The following NBN variants were observed in gnomAD, a reference collection of about 807,000 sequenced individuals.
NBN encodes nibrin, also known as Nijmegen breakage syndrome 1 (nibrin).
Under a neutral mutation model 90.8 loss-of-function variants are expected in NBN, and 88 were observed. The ratio of observed to expected loss-of-function variants is 0.97; its 90% CI spans 0.82 to 1.16. The LOEUF (loss-of-function observed/expected upper bound fraction) is 1.16. Ranked by LOEUF, NBN falls within the 50% of genes most tolerant of loss-of-function variation. The probability of loss-of-function intolerance (pLI) is 0.00; values close to 1 mark genes in which losing one functional copy is unlikely to be tolerated. For missense variants in NBN, 894 were observed against 869.6 expected, an observed-to-expected ratio of 1.03 and a Z score of -0.35; for synonymous variants, 328 against 295.1, an observed-to-expected ratio of 1.11 and a Z score of -1.14.
rs587781530 is a variant in NBN at position 89,982,774 on chromosome 8, G to A, written c.119C>T (p.Ser40Leu). ...TAACACAGCATGATTTCGGCTGATC[G>A]ACTGATCATTTTCAATCAGAATGGC... ...NCAILIENDQ[S>L]ISRNHAVLTA... Residue 40 changes from serine to leucine, a missense_variant, in exon 2 of 16, where the codon TCG becomes TTG. Coordinates refer to ENST00000265433, the MANE Select transcript of NBN (RefSeq NM_002485.5). The A allele has an allele frequency of 1.3e-5, 21 of 1,613,728 alleles. No individual in the cohort carries two copies. The highest frequency in any genetic ancestry group is 1.8e-5 in the Non-Finnish European group (21 of 1,179,860).
In NBN at chr8:89,947,793, T is replaced by C. The variant is rs1421647564; in HGVS notation, c.1914+31A>G. On this transcript the variant is annotated intron_variant, in intron 12 of 15. Transcript: ENST00000265433. Reference sequence around the variant, plus strand: ...GAGATGACAGTCCCCGTAAGCCAAATCTGTATAAAAATTAATAAAACGTTT... The same window carrying C: ...GAGATGACAGTCCCCGTAAGCCAAACCTGTATAAAAATTAATAAAACGTTT... 3 of 1,348,402 alleles carry C rather than the reference T, an allele frequency of 2.2e-6. No individual in the cohort carries two copies. In the East Asian group the frequency reaches 7.2e-5, roughly 32 times the overall value. 83.5% of individuals were successfully genotyped at this position (1,348,402 alleles called of 1,614,324 possible). A position where few individuals can be genotyped will look rare whatever the true frequency, so the allele number is the denominator to read the frequency against.
Position 89,953,240 on chromosome 8 carries a change from T to C in NBN, c.1845+4A>G. 1.9e-6 allele frequency: 3 copies of C among 1,581,440 alleles called. No individual in the cohort carries two copies. The highest frequency in any genetic ancestry group is 2.6e-6 in the Non-Finnish European group (3 of 1,151,340). ...CTATACCTCTCATTTAAAATGTTAC[T>C]TACAGATATTTTGCTACTTTCTGGT... On this transcript the variant is annotated splice_donor_region_variant and intron_variant, in intron 11 of 15. Transcript: ENST00000265433.
At chr8:89,940,181 G>A (rs892775937) in intron 14 of NBN, among the ~76,000 whole-genome samples, 1 of 152,138 alleles carries the variant, frequency 6.6e-6, no homozygotes, top group Non-Finnish European at 1.5e-5. Flanking sequence ...AACCTCCCAG[G>A]CTCAAGCAAT....
At chr8:89,969,754 C>G (rs917807827) in intron 7 of NBN, among the ~76,000 whole-genome samples, 2 of 151,990 alleles carry the variant, frequency 1.3e-5, no homozygotes, top group African/African-American at 4.8e-5. Flanking sequence ...GAGTTTGAGA[C>G]CAGGCTGGCC....
intron 10 of NBN, 86 bp downstream of exon 10, chr8:89,955,197 C>G: frequency 7.5e-7 from 1 of 1,333,486 alleles, no homozygotes; most frequent in Non-Finnish European, 1.1e-6. Flanking sequence ...TTAATCAGAA[C>G]AGACTAAAGA....
chr8:89,958,820 T>A lies in NBN; in HGVS notation c.1029A>T (p.Ser343=). The change falls in exon 9 of 16, where the codon TCA becomes TCT. Residue 343 remains serine (S), a synonymous_variant. Coordinates refer to ENST00000265433, the MANE Select transcript of NBN (RefSeq NM_002485.5). The stretch of plus-strand genomic sequence containing the variant: ...GTTTTTCATCAACTGACACGCCTTG[T>A]GAAAGGCTTGGTCCTGGAGTTGTTG... ...LKTTTPGPSL[S]QGVSVDEKLM... is the part of the protein sequence containing the mutation. The A allele has an allele frequency of 6.2e-7, 1 of 1,613,872 alleles. No individual in the cohort carries two copies. The highest frequency in any genetic ancestry group is 8.5e-7 in the Non-Finnish European group (1 of 1,179,724).
At chr8:89,964,796 G>C (rs1417958079) in intron 7 of NBN, among the ~76,000 whole-genome samples, 3 of 152,100 alleles carry the variant, frequency 2.0e-5, no homozygotes, top group South Asian at 2.1e-4. Context: ...AAAGAATACA[G>C]TACTACCCAA....
intron 9 of NBN, 66 bp from the exon 10 acceptor site, chr8:89,955,621 A>C: frequency 6.6e-7 from 1 of 1,510,120 alleles, no homozygotes; most frequent in Non-Finnish European, 9.0e-7. Flanking sequence ...AGAGAAACAA[A>C]GATCGTTAAA....
In NBN at chr8:89,946,435, G is replaced by T. The variant is rs151054451; in HGVS notation, c.1915-140C>A. On this transcript the variant is annotated intron_variant, in intron 12 of 15. Coordinates refer to ENST00000265433, the MANE Select transcript of NBN (RefSeq NM_002485.5). ...GTTTTATTTCTTGTACCTGAACTTT[G>T]TATTTGGAATCAAATTGTAGCTAAT... 2.1e-4 allele frequency: 155 copies of T among 738,664 alleles called. No individual in the cohort carries two copies. The African/African-American group carries it at 2.1e-3, about 10-fold the overall frequency. 45.8% of individuals were successfully genotyped at this position (738,664 alleles called of 1,614,324 possible). A position where few individuals can be genotyped will look rare whatever the true frequency, so the allele number is the denominator to read the frequency against.
chr8:89,983,604 T>G (rs1416335518), intron 1 of NBN, among the ~76,000 whole-genome samples: 2 of 152,208 alleles, frequency 1.3e-5, no homozygotes, highest in African/African-American at 4.8e-5. Context: ...GAAAATTTGT[T>G]TTTATCTTAA....
Position 89,943,352 on chromosome 8 carries a change from T to C in NBN, c.2085A>G (p.Gly695=), listed in dbSNP as rs2130756163. 6.2e-7 allele frequency: 1 copy of C among 1,604,868 alleles called. No homozygotes were observed. ...FKKFKKVTYP[G]AGKLPHIIGG... is the part of the protein sequence containing the mutation. ...CAATGATGTGTGGAAGTTTTCCTGC[T>C]CCAGGATATGTGACCTATTGAATAA... Residue 695 remains glycine (G), a synonymous_variant, in exon 14 of 16, where the codon GGA becomes GGG. Transcript: ENST00000265433.
At chr8:89,954,471 A>G (rs544028271) in intron 10 of NBN, among the ~76,000 whole-genome samples, 5 of 152,216 alleles carry the variant, frequency 3.3e-5, no homozygotes, top group South Asian at 4.1e-4. Context: ...ATAACAATCA[A>G]TAACACTGAT....
intron 5 of NBN, among the ~76,000 whole-genome samples, chr8:89,977,322 T>C (rs972700621): frequency 1.3e-5 from 2 of 152,108 alleles, no homozygotes; most frequent in Admixed American, 1.3e-4. Context: ...CATACGGTGT[T>C]TGGTTTTCTG....
rs1309889719 is a variant in NBN, at chr8:89,978,215, T to C, written c.584+5A>G. ...ATCTTGTTATATTTAAAATACATAA[T>C]ATACCTTTCAATTTGTGGAGGCTGC... On this transcript the variant is annotated splice_donor_5th_base_variant and intron_variant, in intron 5 of 15. Coordinates refer to ENST00000265433, the MANE Select transcript of NBN (RefSeq NM_002485.5). 4 of 1,597,438 alleles carry C rather than the reference T, an allele frequency of 2.5e-6. No individual in the cohort carries two copies. Among genetic ancestry groups the C allele is most frequent in the South Asian group, 1.1e-5 (1 of 90,650 alleles).
chr8:89,963,859 T>A (rs185628383), intron 8 of NBN, among the ~76,000 whole-genome samples: 4 of 152,332 alleles, frequency 2.6e-5, no homozygotes, highest in Admixed American at 2.6e-4. Flanking sequence ...CTCTTTCACA[T>A]CCAGATTTCC....
chr8:89,947,856 C>T lies in NBN; in HGVS notation c.1882G>A (p.Glu628Lys), dbSNP rs115321485. ...TCTTTAGCTGACCATAGTGAGTCTT[C>T]CTTGAGTTCACGTTTCTTCCCAATT... ...NEIGKKRELKEDSLWSAKEIS... is the reference protein window; with the variant it reads ...NEIGKKRELKKDSLWSAKEIS... Residue 628 changes from glutamate to lysine, a missense_variant, in exon 12 of 16, where the codon GAA (glutamate) becomes AAA (lysine). Physicochemically the swap from Glu to Lys is moderately conservative, Grantham distance 56. Coordinates refer to ENST00000265433, the MANE Select transcript of NBN (RefSeq NM_002485.5). 7.8e-4 allele frequency: 1,241 copies of T among 1,582,686 alleles called. 7 individuals carry two copies. The African/African-American group carries it at 0.015, about 19-fold the overall frequency.
intron 5 of NBN, among the ~76,000 whole-genome samples, chr8:89,975,969 A>G (rs1440886669): frequency 1.3e-5 from 2 of 152,144 alleles, no homozygotes; most frequent in Non-Finnish European, 2.9e-5. Context: ...GCAAGTTTGT[A>G]GTTATGTCGG....
At chr8:89,940,870 T>G (rs913844292) in intron 14 of NBN, among the ~76,000 whole-genome samples, 3 of 152,184 alleles carry the variant, frequency 2.0e-5, no homozygotes, top group African/African-American at 7.2e-5. Context: ...TATAAATGAT[T>G]TATATGTAGT....
rs1158019133 is a variant in NBN at position 89,970,361 on chromosome 8, T to C, written c.896+3A>G. 2 of 1,600,118 alleles carry C rather than the reference T, an allele frequency of 1.2e-6. No individual in the cohort carries two copies. The highest frequency in any genetic ancestry group is 1.1e-5 in the South Asian group (1 of 90,726). ...TTTTTACTAATAAAGAATAATTCTA[T>C]ACCTTTGGAGCATATCCATTATTGA... On this transcript the variant is annotated splice_donor_region_variant and intron_variant, in intron 7 of 15. Transcript: ENST00000265433.
Sources: allele counts gnomAD v4.1 joint callset (sites outside exome capture counted in the v4.1 genomes callset), GRCh38; gene constraint gnomAD v4.1.1; transcripts MANE v1.5; gene names NCBI Gene and HGNC (gene_info 2026-07-23, HGNC 2026-07-21).